AUTS2: variants seen among roughly 807,000 people sequenced by gnomAD.
The protein encoded by AUTS2 is activator of transcription and developmental regulator AUTS2.
In AUTS2, 17 loss-of-function variants were observed where a neutral mutation model predicts 112.4. That is an observed-to-expected ratio of 0.15 (90% CI 0.10 to 0.23). The LOEUF is 0.23. AUTS2 is among the 10% of genes least tolerant of loss of function. The pLI, the probability that AUTS2 is intolerant of heterozygous loss-of-function variation, is 1.00. For synonymous variants in AUTS2, 751 were observed against 702.7 expected (o/e 1.07, Z -1.09); for missense variants, 1,510 against 1,701.6 (o/e 0.89, Z 1.98).
chr7:70,348,433 T>A (rs575357072), intron 4 of AUTS2, among the ~76,000 whole-genome samples: 14 of 152,192 alleles, frequency 9.2e-5, no homozygotes, highest in Admixed American at 5.2e-4. Context: ...TGAGATAAAT[T>A]ATAAGGTGTT....
chr7:70,691,434 A>G (rs55767270), intron 5 of AUTS2, among the ~76,000 whole-genome samples: 1 of 150,678 alleles, frequency 6.6e-6, no homozygotes, highest in African/African-American at 2.4e-5. Flanking sequence ...AAAAAAAAAA[A>G]CAATCTTCCT....
intron 1 of AUTS2, among the ~76,000 whole-genome samples, chr7:69,716,623 G>A (rs182218183): frequency 6.6e-6 from 1 of 151,964 alleles, no homozygotes; most frequent in Non-Finnish European, 1.5e-5. Context: ...CTATATACCA[G>A]GCATTCTGAT....
intron 2 of AUTS2, among the ~76,000 whole-genome samples, chr7:70,015,803 CTT>C (rs59809437): frequency 3.3e-4 from 46 of 138,854 alleles, no homozygotes; most frequent in Non-Finnish European, 3.3e-4. Flanking sequence ...TAAATATTCA[CTT>C]TTTTTTTTTT....
intron 1 of AUTS2, among the ~76,000 whole-genome samples, chr7:69,685,547 T>C (rs1274042531): frequency 6.6e-6 from 1 of 152,172 alleles, no homozygotes; most frequent in Non-Finnish European, 1.5e-5. Context: ...CAGAAATTTC[T>C]GAAGATTAGA....
intron 5 of AUTS2, among the ~76,000 whole-genome samples, chr7:70,464,329 A>G (rs1262725803): frequency 6.6e-6 from 1 of 152,236 alleles, no homozygotes; most frequent in Non-Finnish European, 1.5e-5. Context: ...TTATGAATGC[A>G]TCCCCAAGTC....
chr7:70,340,435 C>A (rs939312538), intron 4 of AUTS2, among the ~76,000 whole-genome samples: 1 of 152,062 alleles, frequency 6.6e-6, no homozygotes, highest in Non-Finnish European at 1.5e-5. Context: ...ATTTATTTCA[C>A]ACTCTTCACA....
In AUTS2 at chr7:69,636,488, C is replaced by G. The variant is rs562425554; in HGVS notation, c.309+36526C>G. ...GACCTCAAGTGATCCGCGCCCCCCC[C>G]CCCCCTTGGCCTCCCAAAGTGCTAG... On this transcript the variant is annotated intron_variant, in intron 1 of 18. Transcript: ENST00000342771. 5.6e-5 allele frequency among the ~76,000 whole-genome samples: 5 copies of G among 88,920 alleles called. 2 individuals are homozygous for G. The East Asian group carries it at 1.1e-3, about 20-fold the overall frequency. 58.3% of individuals were successfully genotyped at this position (88,920 alleles called of 152,430 possible). A position where few individuals can be genotyped will look rare whatever the true frequency, so the allele number is the denominator to read the frequency against.
chr7:69,818,641 G>A (rs1055006810), intron 1 of AUTS2, among the ~76,000 whole-genome samples: 1 of 152,186 alleles, frequency 6.6e-6, no homozygotes, highest in African/African-American at 2.4e-5. Context: ...AGAACTCTCC[G>A]AAGCATTGAT....
chr7:69,998,608 T>C (rs539345052), intron 2 of AUTS2, among the ~76,000 whole-genome samples: 2 of 152,338 alleles, frequency 1.3e-5, no homozygotes, highest in East Asian at 3.9e-4. Flanking sequence ...TTTATTGAGC[T>C]CCTAACATAT....
intron 4 of AUTS2, among the ~76,000 whole-genome samples, chr7:70,191,451 G>A (rs148967945): frequency 1.8e-4 from 27 of 152,176 alleles, no homozygotes; most frequent in Middle Eastern, 3.4e-3. Context: ...GATTATAGGC[G>A]TGAGCCACCA....
At chr7:70,168,264 G>A (rs1380253470) in intron 4 of AUTS2, among the ~76,000 whole-genome samples, 1 of 152,034 alleles carries the variant, frequency 6.6e-6, no homozygotes, top group Non-Finnish European at 1.5e-5. Context: ...AAACATTTAT[G>A]CAGGCTCTCT....
intron 2 of AUTS2, among the ~76,000 whole-genome samples, chr7:69,926,213 C>T (rs185761483): frequency 1.1e-4 from 17 of 152,220 alleles, no homozygotes; most frequent in African/African-American, 2.4e-4. Flanking sequence ...TATATCCTTA[C>T]GGATTTTTTG....
At chr7:70,577,318 G>C (rs903414073) in intron 5 of AUTS2, among the ~76,000 whole-genome samples, 1 of 152,202 alleles carries the variant, frequency 6.6e-6, no homozygotes, top group African/African-American at 2.4e-5. Context: ...AAGTGGTTAA[G>C]TGATGGGCAG....
intron 4 of AUTS2, among the ~76,000 whole-genome samples, chr7:70,303,434 G>GCGCGCGCACACACACACA (rs1241517255): frequency 1.3e-4 from 19 of 142,050 alleles, no homozygotes; most frequent in African/African-American, 3.7e-4. Context: ...GCGCGCGCGC[G>GCGCGCGCACACACACACA]CACATACACA....
intron 5 of AUTS2, among the ~76,000 whole-genome samples, chr7:70,458,483 T>G (rs1288006495): frequency 1.3e-5 from 2 of 152,220 alleles, no homozygotes; most frequent in Non-Finnish European, 2.9e-5. Flanking sequence ...TTTCTAAAGC[T>G]GACTCTCTTG....
intron 6 of AUTS2, among the ~76,000 whole-genome samples, chr7:70,719,257 G>A (rs1810538873): frequency 6.6e-6 from 1 of 152,156 alleles, no homozygotes; most frequent in South Asian, 2.1e-4. Context: ...TGAGCTGTTA[G>A]CAGAGATTTC....
intron 2 of AUTS2, among the ~76,000 whole-genome samples, chr7:70,022,048 T>G (rs1035217914): frequency 2.0e-5 from 3 of 151,262 alleles, no homozygotes; most frequent in African/African-American, 7.3e-5. Context: ...AGAGTCAACC[T>G]GTGATTAACT....
At chr7:70,149,434 C>G (rs1416506649) in intron 4 of AUTS2, among the ~76,000 whole-genome samples, 1 of 152,014 alleles carries the variant, frequency 6.6e-6, no homozygotes, top group African/African-American at 2.4e-5. Context: ...CAACTTCTTG[C>G]ATTAGTTTTA....
intron 5 of AUTS2, among the ~76,000 whole-genome samples, chr7:70,541,303 C>T (rs903680677): frequency 7.9e-5 from 12 of 152,116 alleles, no homozygotes; most frequent in Non-Finnish European, 1.6e-4. Context: ...TGTCACAGCC[C>T]TTGACAGAGA....
Sources: allele counts gnomAD v4.1 joint callset (sites outside exome capture counted in the v4.1 genomes callset), GRCh38; gene constraint gnomAD v4.1.1; transcripts MANE v1.5; gene names NCBI Gene and HGNC (gene_info 2026-07-23, HGNC 2026-07-21).